The following ADGRB1 variants were observed in gnomAD, a reference collection of about 807,000 sequenced individuals.
The protein encoded by ADGRB1 is brain-specific angiogenesis inhibitor 1.
In ADGRB1, 36 loss-of-function variants were observed where a neutral mutation model predicts 175.7. The observed-to-expected ratio is 0.20, with a 90% CI of 0.16 to 0.27. The LOEUF (loss-of-function observed/expected upper bound fraction) is 0.27, where lower values mean the gene tolerates loss of function less well. ADGRB1 is among the 10% of genes least tolerant of loss of function. The probability of loss-of-function intolerance (pLI) is 1.00; values close to 1 mark genes in which losing one functional copy is unlikely to be tolerated. For missense variants in ADGRB1, 1,731 were observed against 2,255.3 expected (o/e 0.77, Z 4.71); for synonymous variants, 1,054 against 979.4 (o/e 1.08, Z -1.42).
intron 20 of ADGRB1, among the ~76,000 whole-genome samples, chr8:142,521,664 C>T (rs568694715): frequency 1.7e-4 from 26 of 152,344 alleles, no homozygotes; most frequent in African/African-American, 6.3e-4. Flanking sequence ...ACCTCCTGAA[C>T]GCATGGGCGG....
At position 142,542,778 on chromosome 8, in the gene ADGRB1, C is replaced by A. The variant is rs1009513274; in HGVS notation, c.4413+131C>A. ...GGCTCTGCCTCCTAGCTACACCCCC[C>A]ACCCCTGGCCCTGCTGGGTGTGCTG... On this transcript the variant is annotated intron_variant, in intron 28 of 30. Transcript: ENST00000517894. This position sits in a 1 kb window ranked among gnomAD's most constrained non-coding sequence, Gnocchi z 6.3. 8 of 820,346 alleles carry A rather than the reference C, an allele frequency of 9.8e-6. No homozygotes were observed. Among genetic ancestry groups the A allele is most frequent in the Middle Eastern group, 2.8e-4 (1 of 3,532 alleles). 50.8% of individuals were successfully genotyped at this position (820,346 alleles called of 1,614,324 possible). A position where few individuals can be genotyped will look rare whatever the true frequency, so the allele number is the denominator to read the frequency against.
At chr8:142,469,198 CATGTGTGA>C (rs1316166140) in intron 2 of ADGRB1, among the ~76,000 whole-genome samples, 35 of 149,206 alleles carry the variant, frequency 2.3e-4, no homozygotes, top group African/African-American at 8.4e-4. Flanking sequence ...TGCACATGTG[CATGTGTGA>C]ATGTGTGTGC....
Position 142,521,945 on chromosome 8 carries a change from C to T in ADGRB1, c.3025-20C>T, listed in dbSNP as rs777709775. On this transcript the variant is annotated intron_variant, in intron 20 of 30. Transcript: ENST00000517894. ...CCGGGGAGCACCTGCCCAGCCTGCC[C>T]CGCCCTGGGCCCCACACAGGTGGTG... 6.4e-7 allele frequency: 1 copy of T among 1,568,332 alleles called. No homozygotes were observed. The highest frequency in any genetic ancestry group is 8.6e-7 in the Non-Finnish European group (1 of 1,159,794).
chr8:142,526,346 T>C (rs1844186857), intron 23 of ADGRB1, among the ~76,000 whole-genome samples, 196 bp from the exon 24 acceptor site: 1 of 152,126 alleles, frequency 6.6e-6, no homozygotes, highest in African/African-American at 2.4e-5. Context: ...GAGAGGGCCC[T>C]GCACAGTTGG....
At chr8:142,466,705 C>G (rs903642709) in intron 2 of ADGRB1, among the ~76,000 whole-genome samples, 1 of 152,102 alleles carries the variant, frequency 6.6e-6, no homozygotes, top group Non-Finnish European at 1.5e-5. Flanking sequence ...GTCAGGGGGA[C>G]TGGGGAGAGA....
chr8:142,509,703 G>T (rs1447041782), intron 17 of ADGRB1, among the ~76,000 whole-genome samples: 1 of 152,250 alleles, frequency 6.6e-6, no homozygotes, highest in African/African-American at 2.4e-5. Context: ...TTCTCCTGAA[G>T]TCCGGGGGCA....
Position 142,537,340 on chromosome 8 carries a change from G to T in ADGRB1, c.3666+258G>T, listed in dbSNP as rs1193210915. Among the ~76,000 whole-genome samples, 1 of 151,990 alleles carries T rather than the reference G, an allele frequency of 6.6e-6. No individual in the cohort carries two copies. The highest frequency in any genetic ancestry group is 1.5e-5 in the Non-Finnish European group (1 of 67,964). ...TGGCATCCACCCCACACTCACCCCCGCTGGCAGCAGTGCCCGTCTGGCTGG... is the reference window on the plus strand; with the variant it reads ...TGGCATCCACCCCACACTCACCCCCTCTGGCAGCAGTGCCCGTCTGGCTGG... On this transcript the variant is annotated intron_variant, in intron 26 of 30. Transcript: ENST00000517894. The surrounding 1 kb of genome is among the most constrained non-coding windows in gnomAD (Gnocchi z 4.6).
chr8:142,514,674 C>T (rs1321739904), intron 18 of ADGRB1, among the ~76,000 whole-genome samples: 1 of 152,124 alleles, frequency 6.6e-6, no homozygotes. Context: ...GGGGTGTGAT[C>T]ATGGTCAGGG....
rs1412992986 is a variant in ADGRB1, at chr8:142,449,662, C to T, written c.-662C>T. The stretch of plus-strand genomic sequence containing the variant: ...GGGAAAAAAGGCGAGAAGAGCCGGG[C>T]AGGCGAGAGGAGCGGAGCGGCGGCG... On this transcript the variant is annotated 5_prime_UTR_variant, in exon 1 of 31. Coordinates refer to ENST00000517894, the MANE Select transcript of ADGRB1 (RefSeq NM_001702.3). The T allele has an allele frequency of 7.2e-6, 1 of 139,098 alleles. No homozygotes were observed. Among genetic ancestry groups the T allele is most frequent in the Non-Finnish European group, 1.5e-5 (1 of 65,600 alleles). The allele number at this position is 139,098 out of a possible 1,614,324, so 8.6% of individuals were successfully genotyped here. A position where few individuals can be genotyped will look rare whatever the true frequency, so the allele number is the denominator to read the frequency against.
rs62513300 is a variant in ADGRB1, at chr8:142,521,474, C to T, written c.3025-491C>T. Among the ~76,000 whole-genome samples, 1,070 of 152,316 alleles carry T rather than the reference C, an allele frequency of 7.0e-3. 6 individuals carry two copies. The highest frequency in any genetic ancestry group is 0.021 in the South Asian group (101 of 4,832). On this transcript the variant is annotated intron_variant, in intron 20 of 30. Transcript: ENST00000517894. The stretch of plus-strand genomic sequence containing the variant: ...GGGCCTCTGCTTCCTCAAGGGGCCA[C>T]GCTGACAATCTAGGAGAGAAAATAA...
chr8:142,456,162 C>A (rs567688061), intron 1 of ADGRB1, among the ~76,000 whole-genome samples: 14 of 152,242 alleles, frequency 9.2e-5, no homozygotes, highest in African/African-American at 3.4e-4. Context: ...CCCCAGAGAG[C>A]CTGTCCCTGT....
At chr8:142,490,958 C>T (rs1384748632) in intron 17 of ADGRB1, 143 bp downstream of exon 17, 6 of 1,128,500 alleles carry the variant, frequency 5.3e-6, no homozygotes, top group African/African-American at 1.5e-5. Flanking sequence ...TCCGTGTCAC[C>T]ACCTGTCACT....
At chr8:142,490,733 G>C in intron 16 of ADGRB1, 39 bp from the exon 17 acceptor site, 1 of 1,557,350 alleles carries the variant, frequency 6.4e-7, no homozygotes, top group Non-Finnish European at 8.7e-7. Context: ...GGCTGGTCCT[G>C]GCTGCCAGGG....
rs1842774017 is a variant in ADGRB1 at position 142,504,740 on chromosome 8, C to A, written c.2676-6192C>A. ...TAAGGGGCTTGTACCTAGGGGTGAT[C>A]GAGCCGCGTGTTGGTTTAAGGGGCA... On this transcript the variant is annotated intron_variant, in intron 17 of 30. Transcript: ENST00000517894. The surrounding 1 kb of genome is among the most constrained non-coding windows in gnomAD (Gnocchi z 5.6). Among the ~76,000 whole-genome samples the A allele has an allele frequency of 1.3e-5, 2 of 151,990 alleles. No homozygotes were observed. Among genetic ancestry groups the A allele is most frequent in the Admixed American group, 6.5e-5 (1 of 15,278 alleles).
At chr8:142,503,501 C>T (rs1406065282) in intron 17 of ADGRB1, among the ~76,000 whole-genome samples, 2 of 152,076 alleles carry the variant, frequency 1.3e-5, no homozygotes, top group Non-Finnish European at 2.9e-5. Flanking sequence ...GGCAGTGGCC[C>T]CCTGCCAGCA....
At chr8:142,514,881 G>A (rs1242666135) in intron 18 of ADGRB1, among the ~76,000 whole-genome samples, 1 of 152,154 alleles carries the variant, frequency 6.6e-6, no homozygotes, top group East Asian at 1.9e-4. Context: ...TCAGGGCTTA[G>A]TCTATGACTA....
At position 142,542,128 on chromosome 8, in the gene ADGRB1, C is replaced by G. The variant is rs1845309846; in HGVS notation, c.3894C>G (p.Pro1298=). 2 of 1,613,472 alleles carry G rather than the reference C, an allele frequency of 1.2e-6. No individual in the cohort carries two copies. Among genetic ancestry groups the G allele is most frequent in the Non-Finnish European group, 1.7e-6 (2 of 1,179,832 alleles). Residue 1298 remains proline (P), a synonymous_variant, in exon 28 of 31, where the codon CCC becomes CCG. Coordinates refer to ENST00000517894, the MANE Select transcript of ADGRB1 (RefSeq NM_001702.3). This position sits in a 1 kb window ranked among gnomAD's most constrained non-coding sequence, Gnocchi z 6.3. Reference sequence around the variant, plus strand: ...GCTCACCCCGCTATCCCGGCGGGCCCCTGCCCGACTTCCCCAACCACTCAC... The same window carrying G: ...GCTCACCCCGCTATCCCGGCGGGCCGCTGCCCGACTTCCCCAACCACTCAC... ...LHGSPRYPGG[P]LPDFPNHSLT...
At position 142,537,058 on chromosome 8, in the gene ADGRB1, C is replaced by G; in HGVS notation, c.3642C>G (p.Phe1214Leu). The change falls in exon 26 of 31, where the codon TTC becomes TTG. Residue 1214 changes from phenylalanine (F) to leucine (L), a missense_variant. Coordinates refer to ENST00000517894, the MANE Select transcript of ADGRB1 (RefSeq NM_001702.3). The surrounding 1 kb of genome is among the most constrained non-coding windows in gnomAD (Gnocchi z 4.6). ...EEGNGDSGGS[F>L]QNGHAQLMTD... is the part of the protein sequence containing the mutation. ...GCAACGGGGACTCAGGGGGCTCCTT[C>G]CAGAACGGCCACGCCCAGCTCATGG... The G allele has an allele frequency of 6.4e-7, 1 of 1,572,558 alleles. No individual in the cohort carries two copies. Among genetic ancestry groups the G allele is most frequent in the Non-Finnish European group, 8.6e-7 (1 of 1,159,430 alleles).
At position 142,479,782 on chromosome 8, in the gene ADGRB1, C is replaced by A. The variant is rs267601806; in HGVS notation, c.1816C>A (p.Arg606Ser). ...AGAGGTGGCTGCTGTCCGGTGTCCC[C>A]GCAACGCCACAGGTGAGGGCTGGAG... is the stretch of plus-strand genomic sequence containing the variant. ...AGEVAAVRCP[R>S]NATGLILRRC... Residue 606 changes from arginine (R) to serine (S), a missense_variant, in exon 9 of 31, where the codon CGC becomes AGC. Physicochemically the swap from Arg to Ser is moderately radical, Grantham distance 110 (BLOSUM62 -1). Transcript: ENST00000517894. 1 of 1,612,992 alleles carries A rather than the reference C, an allele frequency of 6.2e-7. No homozygotes were observed. Among genetic ancestry groups the A allele is most frequent in the Admixed American group, 1.7e-5 (1 of 59,956 alleles).
Sources: gnomAD v4.1 joint callset for allele counts (sites outside exome capture counted in the v4.1 genomes callset) on GRCh38, gnomAD v4.1.1 for gene constraint, Gnocchi (gnomAD v3.1) non-coding constraint, MANE v1.5 for transcripts, NCBI Gene and HGNC (gene_info 2026-07-23, HGNC 2026-07-21) for gene names.